Variants in SYT16 observed in about 807,000 individuals in gnomAD.
SYT16 encodes synaptotagmin 16.
A neutral mutation model predicts 61.4 loss-of-function variants in SYT16; 42 were observed. The ratio of observed to expected loss-of-function variants is 0.68; its 90% CI spans 0.53 to 0.89. The LOEUF (loss-of-function observed/expected upper bound fraction) is 0.89. Ranked by LOEUF, SYT16 falls within the 40% of genes least tolerant of loss-of-function variation. The pLI is 0.00. For synonymous variants in SYT16, 314 were observed against 302.3 expected (o/e 1.04, Z -0.40); for missense variants, 804 against 807.3 (o/e 1.00, Z 0.05).
intron 2 of SYT16, among the ~76,000 whole-genome samples, chr14:61,983,316 A>G (rs1483197179): frequency 6.6e-6 from 1 of 152,192 alleles, no homozygotes; most frequent in East Asian, 1.9e-4. Flanking sequence ...AGGAGCAAAT[A>G]CCTTATTCAT....
intron 2 of SYT16, among the ~76,000 whole-genome samples, chr14:61,980,962 G>T (rs1215570708): frequency 1.3e-5 from 2 of 150,594 alleles, no homozygotes; most frequent in Non-Finnish European, 3.0e-5. Flanking sequence ...GTGTGTGTTT[G>T]TGTGTGTGTG....
At chr14:61,970,876 T>G (rs957738280) in intron 2 of SYT16, among the ~76,000 whole-genome samples, 3 of 152,096 alleles carry the variant, frequency 2.0e-5, no homozygotes, top group African/African-American at 7.2e-5. Context: ...ATGGTTATCA[T>G]CACACAGATG....
In SYT16 at chr14:62,111,252, T is replaced by C. The variant is rs578232035; in HGVS notation, c.*10545T>C. The C allele has an allele frequency of 2.0e-5, 3 of 152,144 alleles. No homozygotes were observed. The highest frequency in any genetic ancestry group is 4.4e-5 in the Non-Finnish European group (3 of 67,916). The allele number at this position is 152,144 out of a possible 1,614,324, so 9.4% of individuals were successfully genotyped here. On this transcript the variant is annotated 3_prime_UTR_variant, in exon 8 of 8. Coordinates refer to ENST00000683842, the MANE Select transcript of SYT16 (RefSeq NM_001367656.1). ...GATGGGTGTCCTTGAAGAACTTTCA[T>C]GAAAAAAATGTAAATGTGAATGATT... is the stretch of plus-strand genomic sequence containing the variant.
chr14:62,016,128 G>A (rs796653787), intron 3 of SYT16, among the ~76,000 whole-genome samples: 60 of 152,220 alleles, frequency 3.9e-4, no homozygotes, highest in African/African-American at 1.4e-3. Flanking sequence ...AACACCTCCT[G>A]AGCATGCTCC....
intron 1 of SYT16, among the ~76,000 whole-genome samples, chr14:61,932,002 T>A (rs1422927784): frequency 6.6e-6 from 1 of 152,222 alleles, no homozygotes; most frequent in Non-Finnish European, 1.5e-5. Flanking sequence ...CTTCCTGCTC[T>A]TGGATCTTTT....
intron 2 of SYT16, among the ~76,000 whole-genome samples, chr14:61,971,043 G>A (rs2051530164): frequency 6.6e-6 from 1 of 151,954 alleles, no homozygotes; most frequent in South Asian, 2.1e-4. Flanking sequence ...TTTGAGTGAA[G>A]GGAAGGTCTT....
chr14:61,821,457 A>G (rs1299513733), intron 1 of SYT16, among the ~76,000 whole-genome samples: 2 of 152,218 alleles, frequency 1.3e-5, no homozygotes, highest in Non-Finnish European at 2.9e-5. Context: ...TCAAGGTGTC[A>G]GCTATGGCTG....
rs889820492 is a variant in SYT16 at position 62,105,764 on chromosome 14, T to C, written c.*5057T>C. Reference sequence around the variant, plus strand: ...TCAAGTTCAGTGTAACCAGGTGCCATGAGTCAGTCATGTGCTACTTGTGGT... The same window carrying C: ...TCAAGTTCAGTGTAACCAGGTGCCACGAGTCAGTCATGTGCTACTTGTGGT... On this transcript the variant is annotated 3_prime_UTR_variant, in exon 8 of 8. Coordinates refer to ENST00000683842, the MANE Select transcript of SYT16 (RefSeq NM_001367656.1). 6.6e-6 allele frequency: 1 copy of C among 152,228 alleles called. No homozygotes were observed. The highest frequency in any genetic ancestry group is 2.4e-5 in the African/African-American group (1 of 41,462). The allele number at this position is 152,228 out of a possible 1,614,324, so 9.4% of individuals were successfully genotyped here.
intron 1 of SYT16, among the ~76,000 whole-genome samples, chr14:61,964,105 A>G (rs1349530895): frequency 1.3e-5 from 2 of 152,204 alleles, no homozygotes; most frequent in Non-Finnish European, 2.9e-5. Flanking sequence ...TGTTGTTTAC[A>G]TTCCTGCTAA....
intron 2 of SYT16, among the ~76,000 whole-genome samples, chr14:61,971,453 A>T (rs1274505762): frequency 6.6e-6 from 1 of 152,194 alleles, no homozygotes; most frequent in Non-Finnish European, 1.5e-5. Context: ...GATCAGATCC[A>T]TGTGGAACCC....
intron 7 of SYT16, among the ~76,000 whole-genome samples, chr14:62,098,664 G>T (rs17099518): frequency 0.034 from 5,161 of 152,236 alleles, 279 homozygotes; most frequent in African/African-American, 0.11. Flanking sequence ...TTTATTGAAG[G>T]TCTAGCACAT....
At chr14:61,834,479 A>C (rs1594722546) in intron 1 of SYT16, among the ~76,000 whole-genome samples, 1 of 113,432 alleles carries the variant, frequency 8.8e-6, no homozygotes, top group Non-Finnish European at 1.7e-5. Context: ...CTTGTTGCCC[A>C]GGCTGGAGTG....
chr14:61,875,336 G>A (rs1415086357), intron 1 of SYT16, among the ~76,000 whole-genome samples: 1 of 152,206 alleles, frequency 6.6e-6, no homozygotes, highest in African/African-American at 2.4e-5. Flanking sequence ...AGTTGGAAGT[G>A]AGGAATCAGG....
intron 1 of SYT16, chr14:61,832,165 A>G: frequency 1.4e-6 from 1 of 691,012 alleles, no homozygotes. Flanking sequence ...TTGCTCCAGG[A>G]GGCCTTCTCC....
chr14:62,046,866 A>G (rs1183451045), intron 3 of SYT16, among the ~76,000 whole-genome samples: 1 of 152,172 alleles, frequency 6.6e-6, no homozygotes, highest in Admixed American at 6.5e-5. Flanking sequence ...GCCTTGTAGT[A>G]TAGTTTGAAG....
intron 1 of SYT16, among the ~76,000 whole-genome samples, chr14:61,872,188 A>T (rs2047351689): frequency 6.6e-6 from 1 of 152,186 alleles, no homozygotes; most frequent in Non-Finnish European, 1.5e-5. Flanking sequence ...GGCCCAATGC[A>T]TACTCATAAA....
At chr14:61,896,399 A>T (rs1299818238) in intron 1 of SYT16, among the ~76,000 whole-genome samples, 1 of 152,220 alleles carries the variant, frequency 6.6e-6, no homozygotes, top group African/African-American at 2.4e-5. Flanking sequence ...CTCATAGTGG[A>T]AAGGGTTTTG....
intron 1 of SYT16, among the ~76,000 whole-genome samples, chr14:61,899,499 A>G (rs1313324832): frequency 6.6e-6 from 1 of 152,238 alleles, no homozygotes; most frequent in Non-Finnish European, 1.5e-5. Context: ...AACACATGGA[A>G]GGTACTCAGT....
chr14:61,868,803 TGATA>T (rs1225156321), intron 1 of SYT16, among the ~76,000 whole-genome samples: 4 of 152,064 alleles, frequency 2.6e-5, no homozygotes, highest in Non-Finnish European at 5.9e-5. Context: ...TTAATTTTAT[TGATA>T]GTGTTTTTCT....
Sources: gnomAD v4.1 joint callset for allele counts (sites outside exome capture counted in the v4.1 genomes callset) on GRCh38, gnomAD v4.1.1 for gene constraint, MANE v1.5 for transcripts, NCBI Gene and HGNC (gene_info 2026-07-23, HGNC 2026-07-21) for gene names.